Variants in MPP7 observed in about 807,000 individuals in gnomAD.
The protein encoded by MPP7 is MAGUK p55 scaffold protein 7.
A neutral mutation model predicts 76.5 loss-of-function variants in MPP7; 60 were observed. The observed-to-expected ratio is 0.78, with a 90% confidence interval of 0.64 to 0.97. The LOEUF (loss-of-function observed/expected upper bound fraction) is 0.97. Ranked by LOEUF, MPP7 falls within the 50% of genes least tolerant of loss-of-function variation. MPP7 has a pLI of 0.00. For synonymous variants in MPP7, 237 were observed against 244.5 expected (o/e 0.97, Z 0.29); for missense variants, 641 against 694.0 (o/e 0.92, Z 0.86).
chr10:28,241,269 GC>G (rs1219562677), intron 1 of MPP7, among the ~76,000 whole-genome samples: 2 of 151,942 alleles, frequency 1.3e-5, no homozygotes, highest in African/African-American at 4.8e-5. Context: ...TATACAAAAA[GC>G]CCTCATATTT....
intron 1 of MPP7, among the ~76,000 whole-genome samples, chr10:28,290,541 C>T (rs1230173481): frequency 2.0e-5 from 3 of 152,092 alleles, no homozygotes; most frequent in Non-Finnish European, 4.4e-5. Context: ...GGCACAATCT[C>T]GACTCACTGA....
At chr10:28,299,835 A>G (rs1841113048) in intron 1 of MPP7, among the ~76,000 whole-genome samples, 1 of 145,024 alleles carries the variant, frequency 6.9e-6, no homozygotes, top group Non-Finnish European at 1.5e-5. Context: ...GCACGATCTC[A>G]GCTTACTGCA....
At chr10:28,176,436 A>C (rs1836863887) in intron 3 of MPP7, among the ~76,000 whole-genome samples, 1 of 152,152 alleles carries the variant, frequency 6.6e-6, no homozygotes, top group Non-Finnish European at 1.5e-5. Context: ...AGCATCAAAA[A>C]GAATAATAAT....
intron 14 of MPP7, among the ~76,000 whole-genome samples, chr10:28,059,341 T>C (rs1007435929): frequency 2.0e-5 from 3 of 152,206 alleles, no homozygotes; most frequent in Non-Finnish European, 4.4e-5. Context: ...TAAAATTCTA[T>C]CCAAATTACA....
intron 3 of MPP7, among the ~76,000 whole-genome samples, chr10:28,153,088 T>C (rs754628245): frequency 1.3e-5 from 2 of 152,008 alleles, no homozygotes; most frequent in Non-Finnish European, 2.9e-5. Context: ...ACCTCATCTC[T>C]ACTAAAAATA....
intron 2 of MPP7, among the ~76,000 whole-genome samples, chr10:28,207,659 T>C (rs1837993292): frequency 6.7e-6 from 1 of 149,358 alleles, no homozygotes; most frequent in Admixed American, 6.7e-5. Flanking sequence ...ATCACTTTAC[T>C]CCAGCCTGGG....
chr10:28,299,475 G>C (rs1013587475), intron 1 of MPP7, among the ~76,000 whole-genome samples: 1 of 152,100 alleles, frequency 6.6e-6, no homozygotes, highest in Non-Finnish European at 1.5e-5. Flanking sequence ...AAAACAATTA[G>C]AATCGTAACA....
At chr10:28,245,786 C>A (rs922060995) in intron 1 of MPP7, among the ~76,000 whole-genome samples, 10 of 150,528 alleles carry the variant, frequency 6.6e-5, no homozygotes, top group African/African-American at 2.4e-4. Context: ...ATCAGAGAAA[C>A]AGAACTATTA....
intron 2 of MPP7, among the ~76,000 whole-genome samples, chr10:28,219,393 C>T (rs758578083): frequency 2.6e-5 from 4 of 152,166 alleles, no homozygotes; most frequent in Non-Finnish European, 5.9e-5. Flanking sequence ...CCGCAGCGAA[C>T]AATTCACTCT....
intron 2 of MPP7, among the ~76,000 whole-genome samples, chr10:28,202,526 T>A (rs1837810913): frequency 6.6e-6 from 1 of 152,126 alleles, no homozygotes. Flanking sequence ...GTTTACATAA[T>A]CCGAGACAGA....
In MPP7 at chr10:28,059,534, T is replaced by C. The variant is rs1451464548; in HGVS notation, c.1298+116A>G. 4.8e-6 allele frequency: 3 copies of C among 622,800 alleles called. No individual in the cohort carries two copies. The African/African-American group carries it at 5.7e-5, about 12-fold the overall frequency. The allele number at this position is 622,800 out of a possible 1,614,324, so 38.6% of individuals were successfully genotyped here. On this transcript the variant is annotated intron_variant, in intron 14 of 16. Transcript: ENST00000683449. Reference sequence around the variant, plus strand: ...TTATTACCTTTTCATCTGTTTCAAATATTATTATGATAATTAAAATACACT... The same window carrying C: ...TTATTACCTTTTCATCTGTTTCAAACATTATTATGATAATTAAAATACACT...
At chr10:28,056,863 G>C (rs1166817806) in intron 15 of MPP7, among the ~76,000 whole-genome samples, 1 of 152,174 alleles carries the variant, frequency 6.6e-6, no homozygotes, top group African/African-American at 2.4e-5. Flanking sequence ...TTGAACAGAA[G>C]TGACTAAAAA....
At chr10:28,284,219 C>T (rs750524860) in intron 1 of MPP7, among the ~76,000 whole-genome samples, 1 of 152,172 alleles carries the variant, frequency 6.6e-6, no homozygotes, top group African/African-American at 2.4e-5. Context: ...ACAGGAAAAA[C>T]CAGTGTCACC....
intron 3 of MPP7, among the ~76,000 whole-genome samples, chr10:28,156,708 T>C (rs1836075105): frequency 6.6e-6 from 1 of 151,984 alleles, no homozygotes; most frequent in Non-Finnish European, 1.5e-5. Flanking sequence ...GCTGAGAGTA[T>C]CATAAGGAGG....
chr10:28,156,569 G>A (rs1270783992), intron 3 of MPP7, among the ~76,000 whole-genome samples: 1 of 152,136 alleles, frequency 6.6e-6, no homozygotes, highest in Non-Finnish European at 1.5e-5. Flanking sequence ...TGAACAAAGG[G>A]CTAATGGAAG....
chr10:28,160,482 G>A (rs1836222646), intron 3 of MPP7, among the ~76,000 whole-genome samples: 1 of 152,084 alleles, frequency 6.6e-6, no homozygotes, highest in Non-Finnish European at 1.5e-5. Flanking sequence ...TTAACCATCA[G>A]TACAGATGCC....
chr10:28,291,585 CGACAGA>C (rs1040846777), intron 1 of MPP7, among the ~76,000 whole-genome samples: 28 of 151,616 alleles, frequency 1.8e-4, no homozygotes, highest in African/African-American at 6.5e-4. Flanking sequence ...CCAGCCTGGG[CGACAGA>C]GACAGAGAGA....
intron 3 of MPP7, among the ~76,000 whole-genome samples, chr10:28,164,822 G>C (rs1046631783): frequency 6.6e-6 from 1 of 152,144 alleles, no homozygotes; most frequent in African/African-American, 2.4e-5. Context: ...GCAGGGCTGA[G>C]GGATGAAGAA....
intron 12 of MPP7, among the ~76,000 whole-genome samples, chr10:28,083,234 A>G (rs528395398): frequency 6.6e-6 from 1 of 152,296 alleles, no homozygotes; most frequent in South Asian, 2.1e-4. Flanking sequence ...ACATAAGCTG[A>G]AAGGGTTTCT....
Sources: allele counts gnomAD v4.1 joint callset (sites outside exome capture counted in the v4.1 genomes callset), GRCh38; gene constraint gnomAD v4.1.1; transcripts MANE v1.5; gene names NCBI Gene and HGNC (gene_info 2026-07-23, HGNC 2026-07-21).